The following SH3YL1 variants were observed in gnomAD, a reference collection of about 807,000 sequenced individuals.
The protein encoded by SH3YL1 is SH3 domain-containing YSC84-like protein 1.
SH3YL1 carries 41 observed loss-of-function variants against 45.8 expected under a neutral mutation model. The ratio of observed to expected loss-of-function variants is 0.89; its 90% CI spans 0.70 to 1.16. The LOEUF (loss-of-function observed/expected upper bound fraction) is 1.16. SH3YL1 is among the 50% of genes most tolerant of loss of function. The pLI is 0.00. For missense variants in SH3YL1, 389 were observed against 409.6 expected, an observed-to-expected ratio of 0.95 and a Z score of 0.43; for synonymous variants, 152 against 151.4, an observed-to-expected ratio of 1.00 and a Z score of -0.03.
chr2:256,542 A>T (rs1669340467), intron 1 of SH3YL1: 1 of 152,074 alleles, frequency 6.6e-6, no homozygotes, highest in South Asian at 2.1e-4. Flanking sequence ...AAATACAAAA[A>T]ATTAGCCAGA....
In SH3YL1 at chr2:234,239, G is replaced by A. The variant is rs761115105; in HGVS notation, c.325C>T (p.Arg109Cys). ...SDLVIILNYD[R>C]AVEAFAKGGN... ...CCTTTTGCAAAAGCTTCTACAGCAC[G>A]GTCATAATTCAGAATTATCACCAAG... The change falls in exon 5 of 10, where the codon CGT becomes TGT. Residue 109 changes from arginine to cysteine, a missense_variant. Physicochemically the swap from Arg to Cys is radical, Grantham distance 180. Coordinates refer to ENST00000356150, the MANE Select transcript of SH3YL1 (RefSeq NM_015677.4). The A allele has an allele frequency of 2.9e-5, 46 of 1,613,810 alleles. No homozygotes were observed. The highest frequency in any genetic ancestry group is 3.5e-5 in the Non-Finnish European group (41 of 1,179,952).
chr2:246,689 T>G (rs753343915), intron 4 of SH3YL1, among the ~76,000 whole-genome samples: 3 of 152,134 alleles, frequency 2.0e-5, no homozygotes, highest in Non-Finnish European at 4.4e-5. Flanking sequence ...GGCGATATTT[T>G]TGAAAGCTTT....
chr2:234,687 C>A (rs569572923), intron 4 of SH3YL1, among the ~76,000 whole-genome samples: 1 of 152,126 alleles, frequency 6.6e-6, no homozygotes, highest in Admixed American at 6.5e-5. Flanking sequence ...AAAGCCAAGC[C>A]CGAAGAGCAC....
intron 4 of SH3YL1, among the ~76,000 whole-genome samples, chr2:237,087 T>C (rs1668337801): frequency 6.6e-6 from 1 of 151,804 alleles, no homozygotes; most frequent in South Asian, 2.1e-4. Flanking sequence ...ATAACCTGTA[T>C]CTTGTATGTA....
chr2:261,127 T>C (rs780511984), intron 1 of SH3YL1: 5 of 152,242 alleles, frequency 3.3e-5, no homozygotes, highest in Non-Finnish European at 7.3e-5. Context: ...TGCAGTGAAT[T>C]TCTCTGTCAG....
chr2:249,934 G>GAGTC, intron 2 of SH3YL1, 90 bp from the exon 3 acceptor site: 1 of 901,650 alleles, frequency 1.1e-6, no homozygotes, highest in East Asian at 2.7e-5. Context: ...AGTGTACACA[G>GAGTC]AGGTTATCTC....
At chr2:242,877 T>A in intron 4 of SH3YL1, 2 of 1,476,114 alleles carry the variant, frequency 1.4e-6, no homozygotes, top group Admixed American at 2.7e-5. Context: ...GCACTCTTTA[T>A]ATCAAACAAC....
At chr2:236,272 A>G (rs1668299873) in intron 4 of SH3YL1, among the ~76,000 whole-genome samples, 1 of 151,792 alleles carries the variant, frequency 6.6e-6, no homozygotes, top group South Asian at 2.1e-4. Context: ...AGCATGGGCC[A>G]GGGCACCCCT....
intron 1 of SH3YL1, chr2:260,553 T>C (rs760472555): frequency 3.3e-5 from 5 of 152,130 alleles, no homozygotes; most frequent in Non-Finnish European, 5.9e-5. Context: ...TGCTGTGGGA[T>C]TTTTGTCTCC....
intron 4 of SH3YL1, chr2:244,582 A>AAGGC (rs1247883696): frequency 6.6e-6 from 1 of 150,742 alleles, no homozygotes; most frequent in Admixed American, 6.6e-5. Flanking sequence ...GAAAGAAAGA[A>AAGGC]AGGCAGATAG....
At chr2:262,966 C>T (rs1669649034) in intron 1 of SH3YL1, among the ~76,000 whole-genome samples, 1 of 152,096 alleles carries the variant, frequency 6.6e-6, no homozygotes, top group Non-Finnish European at 1.5e-5. Flanking sequence ...TGGAGGTTAT[C>T]ACTTTGATCA....
intron 7 of SH3YL1, 91 bp downstream of exon 7, chr2:230,932 T>A (rs770368754): frequency 1.6e-6 from 2 of 1,242,676 alleles, no homozygotes; most frequent in South Asian, 2.5e-5. Context: ...GGAGGCTTAG[T>A]AGGTTCTTAG....
chr2:224,823 T>C (rs1667724963), intron 9 of SH3YL1, 41 bp downstream of exon 9: 4 of 1,436,738 alleles, frequency 2.8e-6, no homozygotes, highest in South Asian at 1.2e-5. Context: ...GATCACAAAA[T>C]GAATATGAAT....
chr2:229,317 G>GA (rs1186466969), intron 8 of SH3YL1, among the ~76,000 whole-genome samples: 1 of 151,946 alleles, frequency 6.6e-6, no homozygotes, highest in Non-Finnish European at 1.5e-5. Context: ...AGTATGATAA[G>GA]AAAAAAACAG....
intron 6 of SH3YL1, among the ~76,000 whole-genome samples, chr2:231,477 C>T (rs1558237144): frequency 6.6e-6 from 1 of 152,112 alleles, no homozygotes; most frequent in East Asian, 1.9e-4. Context: ...TATACTTGCC[C>T]ATATATATAC....
chr2:232,917 A>T, intron 6 of SH3YL1, 184 bp downstream of exon 6: 1 of 410,898 alleles, frequency 2.4e-6, no homozygotes, highest in Non-Finnish European at 4.0e-6. Flanking sequence ...TTTCTTTTTC[A>T]TGTGTCTTCT....
At chr2:219,660 T>G (rs532545015) in intron 9 of SH3YL1, among the ~76,000 whole-genome samples, 2 of 152,188 alleles carry the variant, frequency 1.3e-5, no homozygotes, top group African/African-American at 4.8e-5. Context: ...GACAGTTTCA[T>G]GGATGGCAGA....
At chr2:230,880 C>A in intron 7 of SH3YL1, 143 bp downstream of exon 7, 1 of 750,062 alleles carries the variant, frequency 1.3e-6, no homozygotes, top group Non-Finnish European at 2.3e-6. Context: ...GTCAAGGTAG[C>A]ATGACCTTTT....
At chr2:225,199 T>C (rs571575475) in intron 8 of SH3YL1, among the ~76,000 whole-genome samples, 1 of 152,346 alleles carries the variant, frequency 6.6e-6, no homozygotes, top group South Asian at 2.1e-4. Context: ...TCTATTAGGT[T>C]CTTCTTCAAT....
Sources: allele counts gnomAD v4.1 joint callset (sites outside exome capture counted in the v4.1 genomes callset), GRCh38; gene constraint gnomAD v4.1.1; transcripts MANE v1.5; gene names NCBI Gene and HGNC (gene_info 2026-07-23, HGNC 2026-07-21).